The following PAPPA2 variants were observed in gnomAD, a reference collection of about 807,000 sequenced individuals.
PAPPA2 encodes the protein pappalysin-2.
In PAPPA2, 86 loss-of-function variants were observed where a neutral mutation model predicts 176.4. That is an observed-to-expected ratio of 0.49 (90% CI 0.41 to 0.58). The LOEUF (loss-of-function observed/expected upper bound fraction) is 0.58. Ranked by LOEUF, PAPPA2 falls within the 20% of genes least tolerant of loss-of-function variation. The pLI is 0.00. For synonymous variants in PAPPA2, 809 were observed against 852.2 expected (o/e 0.95, Z 0.88); for missense variants, 2,073 against 2,256.9 (o/e 0.92, Z 1.65).
At chr1:176,648,431 C>G (rs546162299) in intron 3 of PAPPA2, among the ~76,000 whole-genome samples, 1 of 151,504 alleles carries the variant, frequency 6.6e-6, no homozygotes, top group South Asian at 2.1e-4. Context: ...TTTATTTTTT[C>G]TCTTGCCTAA....
chr1:176,470,162 A>G (rs1651806666), intron 1 of PAPPA2, among the ~76,000 whole-genome samples: 1 of 152,210 alleles, frequency 6.6e-6, no homozygotes, highest in South Asian at 2.1e-4. Context: ...TCTCCAAGCA[A>G]GAAGGTTCAC....
At chr1:176,471,463 A>C (rs543125553) in intron 1 of PAPPA2, among the ~76,000 whole-genome samples, 1 of 152,276 alleles carries the variant, frequency 6.6e-6, no homozygotes, top group East Asian at 1.9e-4. Flanking sequence ...AGAAAACCAA[A>C]CAAAACAAGT....
At chr1:176,788,568 T>C (rs372987249) in intron 17 of PAPPA2, among the ~76,000 whole-genome samples, 6 of 152,334 alleles carry the variant, frequency 3.9e-5, no homozygotes, top group African/African-American at 1.4e-4. Flanking sequence ...GAAGTGGATA[T>C]GTTAAAATGG....
chr1:176,521,756 A>G (rs1387830691), intron 1 of PAPPA2, among the ~76,000 whole-genome samples: 2 of 152,170 alleles, frequency 1.3e-5, no homozygotes, highest in Non-Finnish European at 1.5e-5. Flanking sequence ...GAAAGTGATG[A>G]CCACCAAGTG....
intron 14 of PAPPA2, among the ~76,000 whole-genome samples, chr1:176,761,423 A>G (rs950193395): frequency 2.0e-5 from 3 of 152,054 alleles, no homozygotes; most frequent in Non-Finnish European, 4.4e-5. Context: ...AGCTGGAAAC[A>G]TAGATGGAAA....
At chr1:176,639,287 G>C (rs997740578) in intron 3 of PAPPA2, among the ~76,000 whole-genome samples, 6 of 151,970 alleles carry the variant, frequency 3.9e-5, no homozygotes, top group African/African-American at 1.5e-4. Flanking sequence ...ATTCTGCCTA[G>C]GGAAGCTCTT....
Position 176,699,399 on chromosome 1 carries a change from A to G in PAPPA2, c.3046A>G (p.Lys1016Glu). Residue 1016 changes from lysine to glutamate, a missense_variant, in exon 8 of 23, where the codon AAG (lysine) becomes GAG (glutamate). Around this residue, in one of 4 missense-constraint regions of PAPPA2, gnomAD observed 1,196 missense variants for 1,330.4 expected, o/e 0.90. Transcript: ENST00000367662. ...PLTIKLHVDG[K>E]VSGVKVYTFD... ...CACCATCAAACTGCACGTGGATGGG[A>G]AGGTGTCGGGGGTGAAAGTCTACAC... The G allele has an allele frequency of 6.2e-7, 1 of 1,614,106 alleles. No individual in the cohort carries two copies. The highest frequency in any genetic ancestry group is 8.5e-7 in the Non-Finnish European group (1 of 1,180,018).
At chr1:176,719,847 C>G (rs1334139782) in intron 12 of PAPPA2, among the ~76,000 whole-genome samples, 1 of 152,142 alleles carries the variant, frequency 6.6e-6, no homozygotes, top group Non-Finnish European at 1.5e-5. Context: ...TGTCATTTAT[C>G]ACTAGGAGAC....
chr1:176,705,936 G>T (rs931570732), intron 9 of PAPPA2, among the ~76,000 whole-genome samples: 2 of 152,120 alleles, frequency 1.3e-5, no homozygotes, highest in Non-Finnish European at 2.9e-5. Context: ...AGAAATACCA[G>T]ATAAAAATGA....
At chr1:176,816,818 G>A (rs539380989) in intron 21 of PAPPA2, among the ~76,000 whole-genome samples, 1 of 152,240 alleles carries the variant, frequency 6.6e-6, no homozygotes, top group African/African-American at 2.4e-5. Context: ...AGAGGCACCT[G>A]ATAGAGAAGA....
chr1:176,653,109 A>G (rs1453579520), intron 3 of PAPPA2, among the ~76,000 whole-genome samples: 2 of 151,698 alleles, frequency 1.3e-5, no homozygotes, highest in Non-Finnish European at 3.0e-5. Flanking sequence ...GGAAAAGGTG[A>G]GCATGGAAGT....
In PAPPA2 at chr1:176,721,128, G is replaced by A. The variant is rs377683262; in HGVS notation, c.3798+9147G>A. Among the ~76,000 whole-genome samples the A allele has an allele frequency of 2.0e-5, 3 of 152,200 alleles. No individual in the cohort carries two copies. The East Asian group carries it at 5.8e-4, about 29-fold the overall frequency. On this transcript the variant is annotated intron_variant, in intron 12 of 22. Transcript: ENST00000367662. Reference sequence around the variant, plus strand: ...AAATAATGCTTTACCAGCCATCAAGGCATCCCTCAACCCAGTCAAGTTGAT... The same window carrying A: ...AAATAATGCTTTACCAGCCATCAAGACATCCCTCAACCCAGTCAAGTTGAT...
intron 21 of PAPPA2, among the ~76,000 whole-genome samples, chr1:176,818,017 A>T (rs1310562910): frequency 6.6e-6 from 1 of 152,128 alleles, no homozygotes; most frequent in Non-Finnish European, 1.5e-5. Context: ...AAGGGGACAG[A>T]GGAAGAATGA....
intron 12 of PAPPA2, among the ~76,000 whole-genome samples, chr1:176,725,804 G>A (rs899072573): frequency 6.6e-6 from 1 of 151,818 alleles, no homozygotes; most frequent in African/African-American, 2.4e-5. Flanking sequence ...TTTTTGAGAC[G>A]GAGTCTCGCT....
intron 20 of PAPPA2, among the ~76,000 whole-genome samples, chr1:176,795,035 C>T (rs1419413702): frequency 6.6e-6 from 1 of 152,164 alleles, no homozygotes; most frequent in Non-Finnish European, 1.5e-5. Flanking sequence ...GCCCATTGCT[C>T]ATGTCCTCAT....
At chr1:176,552,373 C>A (rs896825028) in intron 1 of PAPPA2, among the ~76,000 whole-genome samples, 1 of 149,036 alleles carries the variant, frequency 6.7e-6, no homozygotes, top group Non-Finnish European at 1.5e-5. Context: ...TCTTTCCCCA[C>A]GCCTCCTTCT....
At chr1:176,506,444 G>A (rs770128533) in intron 1 of PAPPA2, among the ~76,000 whole-genome samples, 3 of 152,066 alleles carry the variant, frequency 2.0e-5, no homozygotes, top group African/African-American at 7.2e-5. Flanking sequence ...GCTATGGGCA[G>A]TATGGCCATT....
chr1:176,589,013 A>T (rs988597361), intron 2 of PAPPA2, among the ~76,000 whole-genome samples: 1 of 152,228 alleles, frequency 6.6e-6, no homozygotes, highest in Non-Finnish European at 1.5e-5. Flanking sequence ...ATTATAAAAG[A>T]TAATTCAAGT....
intron 1 of PAPPA2, among the ~76,000 whole-genome samples, chr1:176,532,310 A>G (rs1649858136): frequency 6.6e-6 from 1 of 152,160 alleles, no homozygotes; most frequent in Non-Finnish European, 1.5e-5. Context: ...AAATAAAAGC[A>G]ACATTTCTAT....
Sources: allele counts gnomAD v4.1 joint callset (sites outside exome capture counted in the v4.1 genomes callset), GRCh38; gene constraint gnomAD v4.1.1; regional missense constraint gnomAD v4.1.1; transcripts MANE v1.5; gene names NCBI Gene and HGNC (gene_info 2026-07-23, HGNC 2026-07-21).